Variants in NBEA observed in about 807,000 individuals in gnomAD.
The protein encoded by NBEA is neurobeachin.
A neutral mutation model predicts 343.4 loss-of-function variants in NBEA; 44 were observed. The ratio of observed to expected loss-of-function variants is 0.13; its 90% CI spans 0.10 to 0.16. NBEA has a LOEUF of 0.16. Among genes scored for constraint, NBEA ranks in the 10% least tolerant of loss-of-function variants. The pLI is 1.00. For synonymous variants in NBEA, 1,175 were observed against 1,238.7 expected, an observed-to-expected ratio of 0.95 and a Z score of 1.08; for missense variants, 2,555 against 3,631.3, an observed-to-expected ratio of 0.70 and a Z score of 7.62.
In NBEA at chr13:35,646,324, G is replaced by T. The variant is rs146396146; in HGVS notation, c.7746G>T (p.Pro2582=). ...CTCAGTTGCTTATTGAGCCACATCCGCCTCGGAGCTCTGCCATGCACCTGG... is the reference window on the plus strand; with the variant it reads ...CTCAGTTGCTTATTGAGCCACATCCTCCTCGGAGCTCTGCCATGCACCTGG... ...TPSQLLIEPH[P]PRSSAMHLCF... Residue 2582 remains proline (P), a synonymous_variant, in exon 51 of 59, where the codon CCG becomes CCT. Transcript: ENST00000379939. 8.7e-6 allele frequency: 14 copies of T among 1,613,600 alleles called. No individual in the cohort carries two copies. The highest frequency in any genetic ancestry group is 1.1e-5 in the South Asian group (1 of 90,958).
intron 48 of NBEA, among the ~76,000 whole-genome samples, chr13:35,623,700 T>A (rs1238323632): frequency 6.6e-6 from 1 of 152,092 alleles, no homozygotes; most frequent in African/African-American, 2.4e-5. Flanking sequence ...AAAACTGAGA[T>A]GAAATGGATG....
intron 1 of NBEA, among the ~76,000 whole-genome samples, chr13:35,010,448 G>A (rs2152532543): frequency 6.6e-6 from 1 of 151,644 alleles, no homozygotes; most frequent in Middle Eastern, 3.4e-3. Flanking sequence ...AGGTGTGGTG[G>A]TGCTCACCTG....
At chr13:35,666,878 CA>C (rs2085379833) in intron 56 of NBEA, among the ~76,000 whole-genome samples, 1 of 152,082 alleles carries the variant, frequency 6.6e-6, no homozygotes, top group Admixed American at 6.6e-5. Flanking sequence ...TAAGTTTTCT[CA>C]ATTTTGCTTT....
intron 1 of NBEA, among the ~76,000 whole-genome samples, chr13:35,018,403 T>C (rs958675380): frequency 4.6e-5 from 7 of 152,182 alleles, no homozygotes; most frequent in Admixed American, 2.0e-4. Context: ...TTTCTCTTGT[T>C]ATTATTTTTT....
intron 34 of NBEA, among the ~76,000 whole-genome samples, chr13:35,249,313 A>G (rs1384417781): frequency 1.3e-5 from 2 of 152,214 alleles, no homozygotes; most frequent in Non-Finnish European, 2.9e-5. Flanking sequence ...CACAATCAAC[A>G]GAGTGAAAGG....
At chr13:35,621,023 A>G (rs1476484805) in intron 48 of NBEA, among the ~76,000 whole-genome samples, 1 of 152,152 alleles carries the variant, frequency 6.6e-6, no homozygotes, top group Non-Finnish European at 1.5e-5. Flanking sequence ...TTTAGCAGAA[A>G]TTCTAAGCAG....
chr13:35,015,336 T>A (rs2061621216), intron 1 of NBEA, among the ~76,000 whole-genome samples: 3 of 151,948 alleles, frequency 2.0e-5, no homozygotes, highest in African/African-American at 7.3e-5. Flanking sequence ...AACTAAGTAT[T>A]GTGATCTAAG....
At chr13:35,063,026 C>T (rs1232509445) in intron 8 of NBEA, among the ~76,000 whole-genome samples, 2 of 151,838 alleles carry the variant, frequency 1.3e-5, no homozygotes, top group South Asian at 2.1e-4. Flanking sequence ...AATGATAGGC[C>T]AAATATGTAT....
chr13:35,004,963 T>C (rs118000076), intron 1 of NBEA, among the ~76,000 whole-genome samples: 2,930 of 152,314 alleles, frequency 0.019, 49 homozygotes, highest in South Asian at 0.035. Flanking sequence ...TTTAATGTTT[T>C]ATGATGACAG....
At chr13:35,468,493 A>G (rs1162825047) in intron 40 of NBEA, among the ~76,000 whole-genome samples, 2 of 152,160 alleles carry the variant, frequency 1.3e-5, no homozygotes, top group African/African-American at 4.8e-5. Context: ...TTCCCTCTAG[A>G]TAAGATTGAT....
chr13:35,296,701 T>A (rs2036156033), intron 35 of NBEA, among the ~76,000 whole-genome samples: 1 of 152,044 alleles, frequency 6.6e-6, no homozygotes, highest in African/African-American at 2.4e-5. Context: ...ATTGTATAAG[T>A]TTTTCAGACA....
intron 38 of NBEA, among the ~76,000 whole-genome samples, chr13:35,368,561 ATTTGTT>A (rs1300271263): frequency 6.6e-6 from 1 of 151,606 alleles, no homozygotes; most frequent in Non-Finnish European, 1.5e-5. Context: ...ATCAAAAATT[ATTTGTT>A]TTTATTTCAT....
chr13:35,529,002 A>G (rs1420830793), intron 41 of NBEA, among the ~76,000 whole-genome samples: 1 of 152,094 alleles, frequency 6.6e-6, no homozygotes, highest in Non-Finnish European at 1.5e-5. Flanking sequence ...TGAGTTGTTT[A>G]CCCTTCTTTG....
chr13:35,134,171 A>G (rs918891098), intron 17 of NBEA, among the ~76,000 whole-genome samples: 5 of 152,042 alleles, frequency 3.3e-5, no homozygotes, highest in African/African-American at 1.2e-4. Flanking sequence ...AGCAAAATTC[A>G]TTTGAGATGC....
rs200782520 is a variant in NBEA, at chr13:35,135,905, C to A, written c.2337-6364C>A. 2.3e-4 allele frequency among the ~76,000 whole-genome samples: 35 copies of A among 151,690 alleles called. No homozygotes were observed. The East Asian group carries it at 6.6e-3, about 29-fold the overall frequency. On this transcript the variant is annotated intron_variant, in intron 17 of 58. Coordinates refer to ENST00000379939, the MANE Select transcript of NBEA (RefSeq NM_001385012.1). Reference sequence around the variant, plus strand: ...AAGCCTTCAAACCATATCACCACACCCAGCCCCCTCCCCCCTCAAAAAAAA... The same window carrying A: ...AAGCCTTCAAACCATATCACCACACACAGCCCCCTCCCCCCTCAAAAAAAA...
At chr13:35,076,445 G>A (rs2064122387) in intron 10 of NBEA, among the ~76,000 whole-genome samples, 1 of 151,984 alleles carries the variant, frequency 6.6e-6, no homozygotes, top group Non-Finnish European at 1.5e-5. Context: ...ACATTATTCT[G>A]TCTGAAACAT....
At chr13:35,183,364 G>C (rs957407935) in intron 29 of NBEA, among the ~76,000 whole-genome samples, 1 of 151,896 alleles carries the variant, frequency 6.6e-6, no homozygotes, top group African/African-American at 2.4e-5. Context: ...CTAAATAAAT[G>C]CATATGATTT....
intron 24 of NBEA, 77 bp from the exon 25 acceptor site, chr13:35,168,910 G>T: frequency 9.8e-7 from 1 of 1,015,474 alleles, no homozygotes; most frequent in South Asian, 2.5e-5. Flanking sequence ...ATTTTACATT[G>T]TATTTTCATT....
chr13:35,066,371 T>C (rs2063653849), intron 8 of NBEA, among the ~76,000 whole-genome samples: 1 of 152,152 alleles, frequency 6.6e-6, no homozygotes. Context: ...TTCTTGATCT[T>C]ATGAATGGAA....
Sources: allele counts gnomAD v4.1 joint callset (sites outside exome capture counted in the v4.1 genomes callset), GRCh38; gene constraint gnomAD v4.1.1; transcripts MANE v1.5; gene names NCBI Gene and HGNC (gene_info 2026-07-23, HGNC 2026-07-21).